The following USP9Y variants were observed in gnomAD, a reference collection of about 807,000 sequenced individuals.
USP9Y encodes ubiquitin carboxyl-terminal hydrolase 9Y.
In USP9Y, 41 loss-of-function variants were observed where a neutral mutation model predicts 53.1. That is an observed-to-expected ratio of 0.77 (90% CI 0.60 to 1.00). The LOEUF is 1.00. Ranked by LOEUF, USP9Y falls within the 50% of genes least tolerant of loss-of-function variation. The probability of loss-of-function intolerance (pLI) is 0.00; values close to 1 mark genes in which losing one functional copy is unlikely to be tolerated. For missense variants in USP9Y, 567 were observed against 535.8 expected (o/e 1.06, Z -0.58); for synonymous variants, 220 against 173.7 (o/e 1.27, Z -2.09).
chrY:12,857,654 A>G lies in USP9Y; in HGVS notation c.7523A>G (p.Tyr2508Cys), dbSNP rs1569393471. The G allele has an allele frequency of 5.3e-6, 2 of 378,255 alleles. No individual in the cohort carries two copies. Among genetic ancestry groups the G allele is most frequent in the Non-Finnish European group, 7.4e-6 (2 of 270,554 alleles). The allele number at this position is 378,255 out of a possible 400,897, so 94.4% of individuals were successfully genotyped here. A position where few individuals can be genotyped will look rare whatever the true frequency, so the allele number is the denominator to read the frequency against. ...PLYPHSPASQ[Y>C]QQNNHVHGQP... ...TATCCTCATTCACCTGCCTCTCAGTATCAACAGGTAAAAAGGATTTTTCAT... is the reference window on the plus strand; with the variant it reads ...TATCCTCATTCACCTGCCTCTCAGTGTCAACAGGTAAAAAGGATTTTTCAT... The change falls in exon 45 of 46, where the codon TAT becomes TGT. Residue 2508 changes from tyrosine to cysteine, a missense_variant. Physicochemically the swap from Tyr to Cys is radical, Grantham distance 194. Transcript: ENST00000338981.
intron 25 of USP9Y, 93 bp downstream of exon 25, chrY:12,790,625 G>A: frequency 3.9e-6 from 1 of 259,627 alleles, no homozygotes; most frequent in Non-Finnish European, 6.1e-6. Context: ...GCTAAATATT[G>A]TAGACCCAAA....
At position 12,773,923 on chromosome Y, in the gene USP9Y, A is replaced by G. The variant is rs2053489202; in HGVS notation, c.2329A>G (p.Arg777Gly). The G allele has an allele frequency of 1.0e-5, 4 of 383,293 alleles. No individual in the cohort carries two copies. The highest frequency in any genetic ancestry group is 1.5e-5 in the Non-Finnish European group (4 of 272,076). The change falls in exon 17 of 46, where the codon AGG becomes GGG. Residue 777 changes from arginine to glycine, a missense_variant and splice_region_variant. Transcript: ENST00000338981. ...ATTAATTGGACTAGACTACCTTTGG[A>G]GGGTAAGTGAGTAGTAAGAACTTTC... Reference protein sequence around the residue: ...LELIGLDYLWRVVIQSSDEIA... With the variant: ...LELIGLDYLWGVVIQSSDEIA...
At chrY:12,746,206 G>A (rs909577458) in intron 12 of USP9Y, among the ~76,000 whole-genome samples, 6 of 33,420 alleles carry the variant, frequency 1.8e-4, no homozygotes, top group Admixed American at 8.2e-4. Flanking sequence ...TATCCCATAC[G>A]GTTATCCCAT....
At chrY:12,756,679 G>A (rs943783585) in intron 12 of USP9Y, among the ~76,000 whole-genome samples, 2 of 33,573 alleles carry the variant, frequency 6.0e-5, no homozygotes, top group African/African-American at 2.3e-4. Context: ...AAATCAAAAT[G>A]ATCTTAATTC....
intron 7 of USP9Y, among the ~76,000 whole-genome samples, chrY:12,731,678 T>A (rs572606268): frequency 6.0e-5 from 2 of 33,546 alleles, no homozygotes; most frequent in Admixed American, 2.8e-4. Flanking sequence ...AATTTTTTTT[T>A]AATACATTGA....
rs2053502647 is a variant in USP9Y, at chrY:12,786,676, G to A, written c.3437G>A (p.Arg1146Lys). The A allele has an allele frequency of 2.5e-6, 1 of 395,425 alleles. No individual in the cohort carries two copies. Among genetic ancestry groups the A allele is most frequent in the Non-Finnish European group, 3.5e-6 (1 of 282,801 alleles). The change falls in exon 24 of 46, where the codon AGG (arginine) becomes AAG (lysine). Residue 1146 changes from arginine (R) to lysine (K), a missense_variant. Arg to Lys is a conservative substitution (Grantham distance 26). Coordinates refer to ENST00000338981, the MANE Select transcript of USP9Y (RefSeq NM_004654.4). ...FLPNTDMETR[R>K]GAYLNALKIA... ...CCAAATACAGATATGGAAACTCGAA[G>A]GGGTGCTTATTTAAATGCTCTTAAA...
intron 27 of USP9Y, among the ~76,000 whole-genome samples, chrY:12,809,674 G>C: frequency 3.0e-5 from 1 of 33,039 alleles, no homozygotes; most frequent in African/African-American, 1.2e-4. Flanking sequence ...CATATCTTTA[G>C]CCATGTTGCA....
At chrY:12,805,668 A>G in intron 27 of USP9Y, among the ~76,000 whole-genome samples, 1 of 33,292 alleles carries the variant, frequency 3.0e-5, no homozygotes, top group South Asian at 6.9e-4. Flanking sequence ...AAGCTATGAA[A>G]TTGATCAAAT....
chrY:12,754,831 G>A (rs2053466845), intron 12 of USP9Y, among the ~76,000 whole-genome samples: 3 of 32,900 alleles, frequency 9.1e-5, no homozygotes, highest in East Asian at 7.9e-4. Flanking sequence ...TGATACTTTC[G>A]TTGATATTTT....
At chrY:12,794,481 C>A in intron 27 of USP9Y, among the ~76,000 whole-genome samples, 6 of 33,885 alleles carry the variant, frequency 1.8e-4, no homozygotes, top group African/African-American at 5.7e-4. Flanking sequence ...TTTTAATTTT[C>A]ATGAAGTTTA....
intron 39 of USP9Y, among the ~76,000 whole-genome samples, chrY:12,845,598 C>T: frequency 3.0e-5 from 1 of 33,546 alleles, no homozygotes; most frequent in Admixed American, 2.7e-4. Context: ...AAACAAGCCA[C>T]GTAAGGGAAT....
intron 19 of USP9Y, among the ~76,000 whole-genome samples, chrY:12,777,160 T>C: frequency 3.0e-5 from 1 of 33,189 alleles, no homozygotes; most frequent in South Asian, 6.6e-4. Flanking sequence ...TTGCATTTGA[T>C]GGTTTTTTTA....
At chrY:12,786,445 C>A in intron 23 of USP9Y, 77 bp from the exon 24 acceptor site, 1 of 367,326 alleles carries the variant, frequency 2.7e-6, no homozygotes, top group South Asian at 3.2e-5. Flanking sequence ...TAGCAATGAT[C>A]AGAGGAGAAA....
At chrY:12,718,115 GACTTTCCAC>G (rs2053432584) in intron 3 of USP9Y, among the ~76,000 whole-genome samples, 1 of 33,932 alleles carries the variant, frequency 2.9e-5, no homozygotes. Context: ...CACTTTCTGT[GACTTTCCAC>G]ACTTTCCGTG....
intron 15 of USP9Y, among the ~76,000 whole-genome samples, chrY:12,764,381 C>G: frequency 3.0e-5 from 1 of 33,318 alleles, no homozygotes; most frequent in Non-Finnish European, 7.4e-5. Flanking sequence ...TAATAAGAAA[C>G]AGATTACTGA....
In USP9Y at chrY:12,857,569, C is replaced by G; in HGVS notation, c.7438C>G (p.Pro2480Ala). The G allele has an allele frequency of 1.3e-5, 5 of 381,933 alleles. No individual in the cohort carries two copies. The highest frequency in any genetic ancestry group is 1.8e-5 in the Non-Finnish European group (5 of 273,477). Residue 2480 changes from proline to alanine, a missense_variant, in exon 45 of 46, where the codon CCA (proline) becomes GCA (alanine). Transcript: ENST00000338981. ...KACELCPEEE[P>A]DDQDAPDEHE... ...CTCTTTAAATATTTAAAATTAGGAG[C>G]CAGATGACCAGGATGCCCCAGATGA...
chrY:12,838,233 G>A, intron 35 of USP9Y, among the ~76,000 whole-genome samples, 181 bp downstream of exon 35: 1 of 33,312 alleles, frequency 3.0e-5, no homozygotes, highest in Non-Finnish European at 7.4e-5. Context: ...AATACAGTGC[G>A]TGGCAGACTA....
intron 17 of USP9Y, among the ~76,000 whole-genome samples, chrY:12,774,845 T>C: frequency 3.0e-5 from 1 of 33,552 alleles, no homozygotes; most frequent in Non-Finnish European, 7.4e-5. Context: ...TTATGTAAAC[T>C]GAGAAGTTGC....
In USP9Y at chrY:12,826,072, G is replaced by A. The variant is rs528869536; in HGVS notation, c.5021+7462G>A. 2.2e-4 allele frequency among the ~76,000 whole-genome samples: 7 copies of A among 31,444 alleles called. No homozygotes were observed. In the South Asian group the frequency reaches 4.3e-3, roughly 19 times the overall value. 84.4% of individuals were successfully genotyped at this position (31,444 alleles called of 37,273 possible). ...CTGCATCAGCCTCCCAGGTAGCTGGGATTATAGGCGTCTGCCACCACGCCC... is the reference window on the plus strand; with the variant it reads ...CTGCATCAGCCTCCCAGGTAGCTGGAATTATAGGCGTCTGCCACCACGCCC... On this transcript the variant is annotated intron_variant, in intron 33 of 45. Transcript: ENST00000338981.
Sources: gnomAD v4.1 joint callset for allele counts (sites outside exome capture counted in the v4.1 genomes callset) on GRCh38, gnomAD v4.1.1 for gene constraint, MANE v1.5 for transcripts, NCBI Gene and HGNC (gene_info 2026-07-23, HGNC 2026-07-21) for gene names.